Variants in DNAAF1 observed in about 807,000 individuals in gnomAD.
DNAAF1 encodes dynein axonemal assembly factor 1.
Under a neutral mutation model 71.1 loss-of-function variants are expected in DNAAF1, and 65 were observed. The observed-to-expected ratio is 0.91, with a 90% CI of 0.75 to 1.12. The LOEUF is 1.12. Ranked by LOEUF, DNAAF1 falls within the 50% of genes most tolerant of loss-of-function variation. The probability of loss-of-function intolerance (pLI) is 0.00; values close to 1 mark genes in which losing one functional copy is unlikely to be tolerated. For synonymous variants in DNAAF1, 414 were observed against 354.6 expected (o/e 1.17, Z -1.88); for missense variants, 1,178 against 899.8 (o/e 1.31, Z -3.96).
intron 7 of DNAAF1, among the ~76,000 whole-genome samples, chr16:84,168,827 T>TACACACACACACAC (rs55903132): frequency 0.23 from 33,705 of 145,744 alleles, 4,525 homozygotes; most frequent in Non-Finnish European, 0.3. Flanking sequence ...ATTTGCCACA[T>TACACACACACACAC]ACACACACAC....
At chr16:84,175,684 G>T in intron 10 of DNAAF1, 2 of 539,434 alleles carry the variant, frequency 3.7e-6, no homozygotes, top group South Asian at 4.0e-5. Context: ...TCAGGTACCA[G>T]GAGGGTGAGG....
chr16:84,176,198 C>G lies in DNAAF1; in HGVS notation c.1964C>G (p.Pro655Arg). 1.2e-6 allele frequency: 2 copies of G among 1,613,930 alleles called. No individual in the cohort carries two copies. Among genetic ancestry groups the G allele is most frequent in the Non-Finnish European group, 1.7e-6 (2 of 1,180,046 alleles). The change falls in exon 11 of 12, where the codon CCC (proline) becomes CGC (arginine). Residue 655 changes from proline to arginine, a missense_variant. Coordinates refer to ENST00000378553, the MANE Select transcript of DNAAF1 (RefSeq NM_178452.6). ...ATCCAGGAGCTCAGCGACGAGGACCCCTCTGGCCAGCTACTGATGCCCCCC... is the reference window on the plus strand; with the variant it reads ...ATCCAGGAGCTCAGCGACGAGGACCGCTCTGGCCAGCTACTGATGCCCCCC... ...PLIQELSDED[P>R]SGQLLMPPTC...
At chr16:84,174,810 G>T in intron 10 of DNAAF1, 88 bp downstream of exon 10, 1 of 1,536,330 alleles carries the variant, frequency 6.5e-7, no homozygotes, top group Non-Finnish European at 9.0e-7. Flanking sequence ...AAACTTGAAA[G>T]TAAAATGTTC....
chr16:84,164,341 A>G (rs147585767), intron 6 of DNAAF1, among the ~76,000 whole-genome samples: 1 of 152,216 alleles, frequency 6.6e-6, no homozygotes, highest in African/African-American at 2.4e-5. Flanking sequence ...CAAAGGTATC[A>G]TGTCCTGTAT....
At chr16:84,146,116 C>G (rs559475918) in intron 1 of DNAAF1, among the ~76,000 whole-genome samples, 6 of 152,166 alleles carry the variant, frequency 3.9e-5, no homozygotes, top group African/African-American at 1.2e-4. Flanking sequence ...AACAAACAAA[C>G]AAGCAAACAA....
intron 7 of DNAAF1, among the ~76,000 whole-genome samples, chr16:84,168,547 G>A (rs1175252598): frequency 6.6e-6 from 1 of 152,010 alleles, no homozygotes; most frequent in Non-Finnish European, 1.5e-5. Flanking sequence ...CAAAGTGCTG[G>A]GATTACAGAC....
chr16:84,165,849 G>A lies in DNAAF1; in HGVS notation c.930G>A (p.Glu310=), dbSNP rs752852857. The A allele has an allele frequency of 6.2e-7, 1 of 1,613,586 alleles. No individual in the cohort carries two copies. Among genetic ancestry groups the A allele is most frequent in the African/African-American group, 1.3e-5 (1 of 74,870 alleles). Reference sequence around the variant, plus strand: ...AAAAGGAGGAGAGACAGCAGTGGGAGAGCAGGGAGCGGAAGAAGATCACAG... The same window carrying A: ...AAAAGGAGGAGAGACAGCAGTGGGAAAGCAGGGAGCGGAAGAAGATCACAG... ...AAEKEERQQW[E]SRERKKITDS... is the part of the protein sequence containing the mutation. Residue 310 remains glutamate (E), a synonymous_variant, in exon 7 of 12, where the codon GAG becomes GAA. Transcript: ENST00000378553.
intron 10 of DNAAF1, 173 bp downstream of exon 10, chr16:84,174,895 AC>A: frequency 1.2e-6 from 1 of 826,504 alleles, no homozygotes; most frequent in Non-Finnish European, 1.9e-6. Context: ...TGGCTCTGTC[AC>A]CCAGGCTGCA....
intron 5 of DNAAF1, among the ~76,000 whole-genome samples, chr16:84,155,999 T>C (rs1159982924): frequency 1.3e-5 from 2 of 152,170 alleles, no homozygotes; most frequent in African/African-American, 4.8e-5. Context: ...GTTTCGCTCT[T>C]CTTGATCAGG....
intron 7 of DNAAF1, among the ~76,000 whole-genome samples, chr16:84,168,421 G>T (rs1018902682): frequency 4.6e-5 from 7 of 152,138 alleles, no homozygotes; most frequent in Admixed American, 1.3e-4. Context: ...TGACATTAAG[G>T]TGTGAACACC....
intron 1 of DNAAF1, among the ~76,000 whole-genome samples, chr16:84,145,819 G>GC (rs2086874748): frequency 6.6e-6 from 1 of 152,182 alleles, no homozygotes; most frequent in Non-Finnish European, 1.5e-5. Flanking sequence ...TTGGCCGGGT[G>GC]CGGTGGCTCA....
intron 5 of DNAAF1, 41 bp from the exon 6 acceptor site, chr16:84,159,634 A>G: frequency 4.4e-6 from 7 of 1,580,378 alleles, no homozygotes; most frequent in Non-Finnish European, 6.0e-6. Flanking sequence ...ATTCAATCGC[A>G]TCTTTCAGTA....
chr16:84,155,117 C>G (rs969288047), intron 4 of DNAAF1, among the ~76,000 whole-genome samples: 15 of 152,150 alleles, frequency 9.9e-5, no homozygotes, highest in African/African-American at 2.9e-4. Context: ...ACCGTGTTAG[C>G]CAGGATGGTC....
intron 10 of DNAAF1, 66 bp downstream of exon 10, chr16:84,174,788 C>A (rs369588547): frequency 6.3e-7 from 1 of 1,592,336 alleles, no homozygotes; most frequent in Non-Finnish European, 8.6e-7. Flanking sequence ...TGTCGTTTAC[C>A]GTTTCTCTCC....
At chr16:84,169,672 C>T (rs1001640583) in intron 7 of DNAAF1, among the ~76,000 whole-genome samples, 187 bp from the exon 8 acceptor site, 4 of 151,716 alleles carry the variant, frequency 2.6e-5, no homozygotes, top group African/African-American at 7.3e-5. Context: ...CCACCCTCCT[C>T]GGCCTCCCAA....
intron 6 of DNAAF1, among the ~76,000 whole-genome samples, chr16:84,160,217 C>G (rs8059119): frequency 0.32 from 48,032 of 151,978 alleles, 7,763 homozygotes; most frequent in East Asian, 0.42. Flanking sequence ...AAGATCGTAC[C>G]CCATTGTTTT....
intron 5 of DNAAF1, chr16:84,159,307 A>G (rs2087590697): frequency 9.8e-7 from 1 of 1,023,632 alleles, no homozygotes; most frequent in South Asian, 2.3e-5. Flanking sequence ...GCTGGGAAGA[A>G]AAGAAAACAA....
At chr16:84,146,224 G>A (rs1272458586) in intron 1 of DNAAF1, among the ~76,000 whole-genome samples, 1 of 152,202 alleles carries the variant, frequency 6.6e-6, no homozygotes, top group Non-Finnish European at 1.5e-5. Context: ...TGCTTTAAAT[G>A]TGTCCCTTTA....
intron 5 of DNAAF1, chr16:84,159,074 G>A: frequency 1.0e-6 from 1 of 991,132 alleles, no homozygotes; most frequent in Non-Finnish European, 1.2e-6. Context: ...GGCAGTAGAG[G>A]AAGAGACAGT....
Sources: gnomAD v4.1 joint callset for allele counts (sites outside exome capture counted in the v4.1 genomes callset) on GRCh38, gnomAD v4.1.1 for gene constraint, MANE v1.5 for transcripts, NCBI Gene and HGNC (gene_info 2026-07-23, HGNC 2026-07-21) for gene names.